Variants in GPC6 observed in about 807,000 individuals in gnomAD.
GPC6 encodes the protein glypican 6.
GPC6 carries 14 observed loss-of-function variants against 55.2 expected under a neutral mutation model. The ratio of observed to expected loss-of-function variants is 0.25; its 90% CI spans 0.17 to 0.40. The LOEUF is 0.40. Ranked by LOEUF, GPC6 falls within the 10% of genes least tolerant of loss-of-function variation. GPC6 has a pLI of 1.00. For synonymous variants in GPC6, 278 were observed against 259.6 expected, an observed-to-expected ratio of 1.07 and a Z score of -0.68; for missense variants, 641 against 708.5, an observed-to-expected ratio of 0.90 and a Z score of 1.08.
intron 1 of GPC6, among the ~76,000 whole-genome samples, chr13:93,345,771 C>T (rs541314344): frequency 1.2e-4 from 18 of 152,198 alleles, no homozygotes; most frequent in Non-Finnish European, 2.1e-4. Flanking sequence ...TTATGATAAA[C>T]CTATTTTTTA....
rs1487604762 is a variant in GPC6, at chr13:94,386,338, C to T, written c.1289+3788C>T. Among the ~76,000 whole-genome samples the T allele has an allele frequency of 1.1e-4, 17 of 148,044 alleles. No homozygotes were observed. The South Asian group carries it at 1.9e-3, about 17-fold the overall frequency. ...TCACACCACTGCACTCCAGCCTGGG[C>T]GAGAGAGCAAGACTCTGTCTCAAAA... On this transcript the variant is annotated intron_variant, in intron 7 of 8. Coordinates refer to ENST00000377047, the MANE Select transcript of GPC6 (RefSeq NM_005708.5).
intron 1 of GPC6, among the ~76,000 whole-genome samples, chr13:93,527,696 G>T (rs2139408679): frequency 6.6e-6 from 1 of 152,208 alleles, no homozygotes; most frequent in East Asian, 1.9e-4. Context: ...AGGGGAAAAG[G>T]GCTGTCTCCT....
chr13:93,965,036 T>G lies in GPC6; in HGVS notation c.712-62693T>G, dbSNP rs74109166. On this transcript the variant is annotated intron_variant, in intron 3 of 8. Coordinates refer to ENST00000377047, the MANE Select transcript of GPC6 (RefSeq NM_005708.5). ...ATAGTTTTCATTTCATGTTTAATAA[T>G]TATCTCCTTAATTATTATGTTTTTG... Among the ~76,000 whole-genome samples the G allele has an allele frequency of 9.1e-3, 1,374 of 151,588 alleles. 24 individuals are homozygous for G. The highest frequency in any genetic ancestry group is 0.032 in the African/African-American group (1,304 of 41,346).
intron 1 of GPC6, among the ~76,000 whole-genome samples, chr13:93,308,055 T>C (rs190490841): frequency 0.032 from 4,890 of 152,086 alleles, 91 homozygotes; most frequent in Middle Eastern, 0.12. Flanking sequence ...GAGGCCGAGG[T>C]GGGCGGATCA....
At position 94,052,045 on chromosome 13, in the gene GPC6, G is replaced by T. The variant is rs562504431; in HGVS notation, c.877+24151G>T. On this transcript the variant is annotated intron_variant, in intron 4 of 8. Transcript: ENST00000377047. ...AAAACATAAAAAAGACATGGCCTCT[G>T]TTACACAGAGTTCCCAGTCTGGTGG... Among the ~76,000 whole-genome samples, 444 of 152,240 alleles carry T rather than the reference G, an allele frequency of 2.9e-3. 2 individuals carry two copies. The highest frequency in any genetic ancestry group is 5.2e-3 in the Non-Finnish European group (353 of 68,002).
intron 3 of GPC6, among the ~76,000 whole-genome samples, chr13:93,972,820 A>G (rs1430427764): frequency 2.0e-5 from 3 of 151,584 alleles, no homozygotes; most frequent in Non-Finnish European, 2.9e-5. Flanking sequence ...TAGCTAAAGG[A>G]CTCTCCCAAA....
chr13:94,007,609 G>A (rs572932254), intron 3 of GPC6, among the ~76,000 whole-genome samples: 76 of 152,100 alleles, frequency 5.0e-4, no homozygotes, highest in Admixed American at 9.8e-4. Context: ...GGTCTTTGTC[G>A]TCCTTTTCCC....
intron 1 of GPC6, among the ~76,000 whole-genome samples, chr13:93,504,580 A>G (rs1476918494): frequency 6.7e-6 from 1 of 149,158 alleles, no homozygotes; most frequent in Non-Finnish European, 1.5e-5. Flanking sequence ...TGATAAGCCC[A>G]TATTTTGTTG....
intron 2 of GPC6, among the ~76,000 whole-genome samples, chr13:93,712,284 GA>G (rs1883094590): frequency 6.6e-6 from 1 of 151,852 alleles, no homozygotes; most frequent in Admixed American, 6.6e-5. Flanking sequence ...CAAAGAATGA[GA>G]GAGAAGATAT....
At chr13:93,967,943 T>C (rs1433982018) in intron 3 of GPC6, among the ~76,000 whole-genome samples, 1 of 152,162 alleles carries the variant, frequency 6.6e-6, no homozygotes, top group Admixed American at 6.5e-5. Flanking sequence ...ATCTAATAGG[T>C]AATCCCGTGG....
chr13:94,381,054 G>A (rs559022770), intron 6 of GPC6, among the ~76,000 whole-genome samples: 1 of 152,204 alleles, frequency 6.6e-6, no homozygotes, highest in African/African-American at 2.4e-5. Context: ...GGAGGAACAA[G>A]TGACCAATTT....
chr13:93,320,009 T>C (rs1362392755), intron 1 of GPC6, among the ~76,000 whole-genome samples: 1 of 152,128 alleles, frequency 6.6e-6, no homozygotes, highest in African/African-American at 2.4e-5. Context: ...TTCAGGAAGA[T>C]AGATCAACTG....
chr13:94,257,844 A>T (rs140719930), intron 4 of GPC6, among the ~76,000 whole-genome samples: 19 of 152,352 alleles, frequency 1.2e-4, no homozygotes, highest in African/African-American at 4.3e-4. Flanking sequence ...ACAGGAAAAG[A>T]TAGACTAACA....
At chr13:93,401,155 CGTGTGTGTGT>C (rs5805802) in intron 1 of GPC6, among the ~76,000 whole-genome samples, 89,954 of 143,444 alleles carry the variant, frequency 0.63, 30,636 homozygotes, top group Non-Finnish European at 0.79. Flanking sequence ...AGGTATTTGT[CGTGTGTGTGT>C]GTGTGTGTGT....
At chr13:93,593,363 ATTG>A (rs1877575459) in intron 2 of GPC6, among the ~76,000 whole-genome samples, 1 of 152,150 alleles carries the variant, frequency 6.6e-6, no homozygotes, top group Admixed American at 6.5e-5. Flanking sequence ...ATGAATGAAT[ATTG>A]TTAAGTGACC....
chr13:93,221,346 G>C, the GPC6 span, among the ~76,000 whole-genome samples: 1 of 152,038 alleles, frequency 6.6e-6, no homozygotes, highest in Non-Finnish European at 1.5e-5. Flanking sequence ...CAATTCTCTT[G>C]GATAAACCCT....
intron 1 of GPC6, among the ~76,000 whole-genome samples, chr13:93,366,409 T>C (rs539827717): frequency 6.6e-6 from 1 of 152,242 alleles, no homozygotes; most frequent in East Asian, 1.9e-4. Flanking sequence ...GTTTTATTAG[T>C]TAATTAAATG....
intron 6 of GPC6, among the ~76,000 whole-genome samples, chr13:94,353,786 G>A (rs959170657): frequency 1.3e-5 from 2 of 152,070 alleles, no homozygotes; most frequent in African/African-American, 4.8e-5. Flanking sequence ...ATTAAATTAC[G>A]GAACTAAAGC....
chr13:94,363,252 A>G (rs933022107), intron 6 of GPC6, among the ~76,000 whole-genome samples: 4 of 152,214 alleles, frequency 2.6e-5, no homozygotes, highest in Non-Finnish European at 4.4e-5. Context: ...AAACTTCAGT[A>G]AAAATAAATA....
Sources: gnomAD v4.1 joint callset for allele counts (sites outside exome capture counted in the v4.1 genomes callset) on GRCh38, gnomAD v4.1.1 for gene constraint, MANE v1.5 for transcripts, NCBI Gene and HGNC (gene_info 2026-07-23, HGNC 2026-07-21) for gene names.